DOK6: variants seen among roughly 807,000 people sequenced by gnomAD.
DOK6 encodes the protein docking protein 6, also known as downstream of tyrosine kinase 6.
In DOK6, 22 loss-of-function variants were observed where a neutral mutation model predicts 44.0. The observed-to-expected ratio is 0.50, with a 90% CI of 0.36 to 0.71. DOK6 has a LOEUF of 0.71. Among genes scored for constraint, DOK6 ranks in the 30% least tolerant of loss-of-function variants. DOK6 has a pLI of 0.00. For missense variants in DOK6, 340 were observed against 416.4 expected (o/e 0.82, Z 1.60); for synonymous variants, 166 against 145.5 (o/e 1.14, Z -1.01).
chr18:69,767,408 C>A lies in DOK6; in HGVS notation c.856+9535C>A, dbSNP rs144378137. Among the ~76,000 whole-genome samples, 420 of 152,204 alleles carry A rather than the reference C, an allele frequency of 2.8e-3. 2 individuals carry two copies. The highest frequency in any genetic ancestry group is 9.7e-3 in the African/African-American group (403 of 41,520). The stretch of plus-strand genomic sequence containing the variant: ...CAGTGAGTATAAACAAGACATGGCA[C>A]CTTAAACAGATAAACCACCTCTCCC... On this transcript the variant is annotated intron_variant, in intron 7 of 7. Coordinates refer to ENST00000382713, the MANE Select transcript of DOK6 (RefSeq NM_152721.6).
chr18:69,437,936 T>C (rs1383569839), intron 1 of DOK6, among the ~76,000 whole-genome samples: 2 of 152,218 alleles, frequency 1.3e-5, no homozygotes, highest in African/African-American at 4.8e-5. Flanking sequence ...TATCATTGTG[T>C]CTGAAAAACA....
chr18:69,731,145 A>T (rs766683689), intron 5 of DOK6, among the ~76,000 whole-genome samples: 3 of 152,160 alleles, frequency 2.0e-5, no homozygotes, highest in African/African-American at 4.8e-5. Flanking sequence ...GAAAATCTCT[A>T]GAGAAAACTA....
intron 1 of DOK6, among the ~76,000 whole-genome samples, chr18:69,559,557 C>G (rs1982775880): frequency 6.6e-6 from 1 of 152,102 alleles, no homozygotes; most frequent in African/African-American, 2.4e-5. Flanking sequence ...ATTCATGTAA[C>G]TGTTTTTTAC....
At chr18:69,411,397 A>T (rs1404122193) in intron 1 of DOK6, among the ~76,000 whole-genome samples, 2 of 152,180 alleles carry the variant, frequency 1.3e-5, no homozygotes, top group Non-Finnish European at 2.9e-5. Flanking sequence ...ACTGTTGGCA[A>T]GGAGCCAATA....
chr18:69,451,369 A>T (rs1484600067), intron 1 of DOK6, among the ~76,000 whole-genome samples: 1 of 52,508 alleles, frequency 1.9e-5, no homozygotes, highest in African/African-American at 8.9e-5. Flanking sequence ...TAACTATCCT[A>T]AATATACATG....
At chr18:69,552,597 C>T (rs1599188020) in intron 1 of DOK6, among the ~76,000 whole-genome samples, 1 of 152,168 alleles carries the variant, frequency 6.6e-6, no homozygotes, top group Non-Finnish European at 1.5e-5. Flanking sequence ...TTACTTCCTC[C>T]AGGACTTCCA....
At chr18:69,442,168 G>C (rs1206282765) in intron 1 of DOK6, among the ~76,000 whole-genome samples, 1 of 151,828 alleles carries the variant, frequency 6.6e-6, no homozygotes, top group Non-Finnish European at 1.5e-5. Flanking sequence ...TCTAAAAATA[G>C]GATCAATTTG....
intron 2 of DOK6, among the ~76,000 whole-genome samples, chr18:69,567,321 T>TA (rs572165624): frequency 4.6e-5 from 7 of 152,054 alleles, no homozygotes; most frequent in African/African-American, 7.2e-5. Flanking sequence ...CTTTATTTTT[T>TA]AAAAAAATAG....
chr18:69,639,747 G>A (rs1048270190), intron 3 of DOK6, among the ~76,000 whole-genome samples: 20 of 152,114 alleles, frequency 1.3e-4, no homozygotes, highest in Non-Finnish European at 2.4e-4. Context: ...GGGAAAGGAA[G>A]ACAGAAAGAA....
chr18:69,837,780 A>T (rs1429769360), intron 7 of DOK6, among the ~76,000 whole-genome samples: 1 of 152,196 alleles, frequency 6.6e-6, no homozygotes, highest in East Asian at 1.9e-4. Flanking sequence ...TCAAAAGCCC[A>T]TGGTAGTGGG....
intron 7 of DOK6, among the ~76,000 whole-genome samples, chr18:69,758,390 A>G (rs1448297786): frequency 6.6e-6 from 1 of 152,176 alleles, no homozygotes; most frequent in African/African-American, 2.4e-5. Context: ...ACATGTAGAT[A>G]CTTTGCCTTT....
intron 5 of DOK6, among the ~76,000 whole-genome samples, chr18:69,719,026 G>GA (rs1299553547): frequency 2.6e-5 from 4 of 152,188 alleles, no homozygotes; most frequent in East Asian, 1.9e-4. Context: ...GAAATTGTTG[G>GA]AAAAAAATGT....
At chr18:69,409,266 A>G (rs1038338320) in intron 1 of DOK6, among the ~76,000 whole-genome samples, 2 of 152,184 alleles carry the variant, frequency 1.3e-5, no homozygotes, top group Non-Finnish European at 2.9e-5. Flanking sequence ...TCTTTCCTTT[A>G]TAAATTACCC....
At chr18:69,766,762 CTG>C (rs1453301768) in intron 7 of DOK6, among the ~76,000 whole-genome samples, 1 of 152,152 alleles carries the variant, frequency 6.6e-6, no homozygotes, top group African/African-American at 2.4e-5. Context: ...GCGGTCCATA[CTG>C]TGTTGTTTAA....
chr18:69,549,937 A>G (rs555554446), intron 1 of DOK6, among the ~76,000 whole-genome samples: 2 of 150,810 alleles, frequency 1.3e-5, no homozygotes, highest in South Asian at 2.1e-4. Flanking sequence ...TTAGATAAAG[A>G]TATATTAAAT....
At chr18:69,404,111 G>C (rs760387826) in intron 1 of DOK6, among the ~76,000 whole-genome samples, 3 of 152,216 alleles carry the variant, frequency 2.0e-5, no homozygotes, top group African/African-American at 7.2e-5. Flanking sequence ...ATATGAGGCC[G>C]ATTGCATCAG....
chr18:69,417,550 A>G (rs1184049554), intron 1 of DOK6, among the ~76,000 whole-genome samples: 1 of 151,998 alleles, frequency 6.6e-6, no homozygotes, highest in East Asian at 1.9e-4. Flanking sequence ...TTTTTGATAT[A>G]CTGATTTCCT....
At chr18:69,430,324 T>G (rs1001348132) in intron 1 of DOK6, among the ~76,000 whole-genome samples, 2 of 152,224 alleles carry the variant, frequency 1.3e-5, no homozygotes, top group South Asian at 2.1e-4. Flanking sequence ...AGGTCATTTT[T>G]GGCTTATTCA....
chr18:69,489,671 T>G (rs112825522), intron 1 of DOK6, among the ~76,000 whole-genome samples: 1,822 of 152,318 alleles, frequency 0.012, 35 homozygotes, highest in African/African-American at 0.041. Context: ...GAATAAAATT[T>G]ACATTTGTAG....
Sources: allele counts gnomAD v4.1 joint callset (sites outside exome capture counted in the v4.1 genomes callset), GRCh38; gene constraint gnomAD v4.1.1; transcripts MANE v1.5; gene names NCBI Gene and HGNC (gene_info 2026-07-23, HGNC 2026-07-21).